Variants in ERBB4 observed in about 807,000 individuals in gnomAD.
ERBB4 encodes the protein receptor tyrosine-protein kinase erbB-4.
A neutral mutation model predicts 158.0 loss-of-function variants in ERBB4; 42 were observed. The observed-to-expected ratio is 0.27, with a 90% CI of 0.21 to 0.34. ERBB4 has a LOEUF of 0.34. Among genes scored for constraint, ERBB4 ranks in the 10% least tolerant of loss-of-function variants. The pLI is 1.00. For missense variants in ERBB4, 1,333 were observed against 1,624.1 expected, an observed-to-expected ratio of 0.82 and a Z score of 3.08; for synonymous variants, 583 against 558.7, an observed-to-expected ratio of 1.04 and a Z score of -0.61.
At chr2:211,458,289 A>G (rs544831320) in intron 20 of ERBB4, among the ~76,000 whole-genome samples, 1 of 150,256 alleles carries the variant, frequency 6.7e-6, no homozygotes, top group East Asian at 2.0e-4. Context: ...TTTTTTTGAG[A>G]CAATGTCTTG....
intron 5 of ERBB4, among the ~76,000 whole-genome samples, chr2:211,748,095 T>C (rs973909221): frequency 2.0e-5 from 3 of 151,832 alleles, no homozygotes; most frequent in African/African-American, 7.2e-5. Flanking sequence ...TAATTGTTTT[T>C]TTCCAAGTAT....
chr2:211,776,375 A>G (rs1300081012), intron 4 of ERBB4, among the ~76,000 whole-genome samples: 1 of 152,158 alleles, frequency 6.6e-6, no homozygotes, highest in Non-Finnish European at 1.5e-5. Flanking sequence ...ATTACTAAAG[A>G]TTTATCACTG....
intron 19 of ERBB4, among the ~76,000 whole-genome samples, chr2:211,589,064 G>T (rs4539738): frequency 0.74 from 112,563 of 152,084 alleles, 43,520 homozygotes; most frequent in East Asian, 0.86. Context: ...ATTGCAATCT[G>T]AGCTTTAAAA....
chr2:211,984,205 T>G lies in ERBB4; in HGVS notation c.235-36589A>C, dbSNP rs375704637. ...GAAGGGTAATGAGAGCCCTTTCATATGTCTTTTATAGGAGCACTTATGCCA... is the reference window on the plus strand; with the variant it reads ...GAAGGGTAATGAGAGCCCTTTCATAGGTCTTTTATAGGAGCACTTATGCCA... On this transcript the variant is annotated intron_variant, in intron 2 of 27. Transcript: ENST00000342788. Among the ~76,000 whole-genome samples, 4 of 152,242 alleles carry G rather than the reference T, an allele frequency of 2.6e-5. No individual in the cohort carries two copies. The East Asian group carries it at 5.8e-4, about 22-fold the overall frequency.
intron 12 of ERBB4, among the ~76,000 whole-genome samples, chr2:211,682,310 T>C (rs545178973): frequency 2.6e-5 from 4 of 152,280 alleles, no homozygotes; most frequent in South Asian, 4.1e-4. Flanking sequence ...ATCAATGTTC[T>C]AGCTCAAGTA....
intron 1 of ERBB4, among the ~76,000 whole-genome samples, chr2:212,161,771 CA>C: frequency 6.6e-6 from 1 of 151,956 alleles, no homozygotes; most frequent in East Asian, 1.9e-4. Context: ...ATTCAAAATA[CA>C]TGAACAAAAC....
At chr2:212,166,178 C>G (rs13029563) in intron 1 of ERBB4, among the ~76,000 whole-genome samples, 2 of 151,662 alleles carry the variant, frequency 1.3e-5, no homozygotes, top group Non-Finnish European at 2.9e-5. Context: ...AGACACAGTC[C>G]CTGACCTTTG....
At chr2:212,357,079 C>G (rs753759219) in intron 1 of ERBB4, among the ~76,000 whole-genome samples, 1 of 151,774 alleles carries the variant, frequency 6.6e-6, no homozygotes, top group South Asian at 2.1e-4. Flanking sequence ...ACATAAGTGT[C>G]TTATCCTTCA....
chr2:211,510,206 T>A (rs1471921137), intron 20 of ERBB4, among the ~76,000 whole-genome samples: 12 of 152,002 alleles, frequency 7.9e-5, no homozygotes, highest in Admixed American at 7.9e-4. Context: ...CAATGGGTGG[T>A]TGGATAAAGA....
At chr2:212,075,582 A>G (rs943624559) in intron 2 of ERBB4, among the ~76,000 whole-genome samples, 1 of 151,888 alleles carries the variant, frequency 6.6e-6, no homozygotes, top group African/African-American at 2.4e-5. Context: ...GAAATCTTAC[A>G]TAGTATGAAT....
chr2:211,883,450 A>AAAT (rs753024791), intron 3 of ERBB4, among the ~76,000 whole-genome samples: 2 of 152,088 alleles, frequency 1.3e-5, no homozygotes, highest in Non-Finnish European at 2.9e-5. Flanking sequence ...GTATAATAAA[A>AAAT]AATAATAATA....
At chr2:212,255,994 TTTA>T (rs1395472163) in intron 1 of ERBB4, among the ~76,000 whole-genome samples, 12 of 47,094 alleles carry the variant, frequency 2.5e-4, no homozygotes, top group African/African-American at 4.9e-4. Flanking sequence ...CTAAGTTTTA[TTTA>T]TTTATTTTTT....
intron 3 of ERBB4, among the ~76,000 whole-genome samples, chr2:211,895,624 A>T (rs2079078373): frequency 6.6e-6 from 1 of 152,116 alleles, no homozygotes; most frequent in African/African-American, 2.4e-5. Flanking sequence ...GCATACAGGT[A>T]AAATGTAACA....
At chr2:212,215,913 A>G (rs1042253100) in intron 1 of ERBB4, among the ~76,000 whole-genome samples, 1 of 151,486 alleles carries the variant, frequency 6.6e-6, no homozygotes, top group Non-Finnish European at 1.5e-5. Context: ...TCACAAAAAC[A>G]AATTTTTAAG....
intron 10 of ERBB4, 57 bp downstream of exon 10, chr2:211,705,261 T>C: frequency 1.6e-6 from 2 of 1,260,122 alleles, no homozygotes; most frequent in South Asian, 1.2e-5. Context: ...CAATCTTGTG[T>C]AATTTTTAAA....
rs187721715 is a variant in ERBB4, at chr2:212,270,087, C to A, written c.83-145184G>T. 7.9e-5 allele frequency among the ~76,000 whole-genome samples: 12 copies of A among 151,702 alleles called. No homozygotes were observed. In the East Asian group the frequency reaches 2.3e-3, roughly 30 times the overall value. On this transcript the variant is annotated intron_variant, in intron 1 of 27. Transcript: ENST00000342788. ...TGAAGCTGCATTTATCAGATTTTAC[C>A]AGGGATGGTAAATTAAACAGAATTT... is the stretch of plus-strand genomic sequence containing the variant.
chr2:212,267,139 T>C (rs2085165504), intron 1 of ERBB4, among the ~76,000 whole-genome samples: 1 of 151,940 alleles, frequency 6.6e-6, no homozygotes, highest in African/African-American at 2.4e-5. Context: ...CCAAATTCAG[T>C]TGCCTCTTGC....
intron 20 of ERBB4, among the ~76,000 whole-genome samples, chr2:211,480,839 A>G (rs887291771): frequency 6.6e-6 from 1 of 152,208 alleles, no homozygotes; most frequent in African/African-American, 2.4e-5. Context: ...ATGGCACTAC[A>G]AGGTAACATA....
At chr2:212,486,408 C>T (rs1456904981) in intron 1 of ERBB4, among the ~76,000 whole-genome samples, 1 of 151,994 alleles carries the variant, frequency 6.6e-6, no homozygotes, top group Non-Finnish European at 1.5e-5. Context: ...GGGGAGGTGG[C>T]ATCTATGAGC....
Sources: gnomAD v4.1 joint callset for allele counts (sites outside exome capture counted in the v4.1 genomes callset) on GRCh38, gnomAD v4.1.1 for gene constraint, MANE v1.5 for transcripts, NCBI Gene and HGNC (gene_info 2026-07-23, HGNC 2026-07-21) for gene names.